The following NUTM2E variants were observed in gnomAD, a reference collection of about 807,000 sequenced individuals.
NUTM2E encodes the protein NUT family member 2E.
In NUTM2E, 3 loss-of-function variants were observed where a neutral mutation model predicts 26.1. The observed-to-expected ratio is 0.12, with a 90% confidence interval of 0.05 to 0.30. NUTM2E has a LOEUF of 0.30. Ranked by LOEUF, NUTM2E falls within the 10% of genes least tolerant of loss-of-function variation. NUTM2E has a pLI of 1.00. For synonymous variants in NUTM2E, 13 were observed against 157.5 expected (o/e 0.08, Z 6.87); for missense variants, 62 against 381.3 (o/e 0.16, Z 6.97).
intron 1 of NUTM2E, among the ~76,000 whole-genome samples, chr10:79,835,147 A>G (rs1841953860): frequency 6.9e-6 from 1 of 145,812 alleles, no homozygotes; most frequent in African/African-American, 2.5e-5. Flanking sequence ...GACTCTATTT[A>G]CTCAGATTAA....
At chr10:79,831,786 A>G (rs1841928313) in intron 1 of NUTM2E, among the ~76,000 whole-genome samples, 1 of 151,164 alleles carries the variant, frequency 6.6e-6, no homozygotes, top group Non-Finnish European at 1.5e-5. Context: ...ATTACTGATA[A>G]TGTGTACACA....
chr10:79,832,007 A>G (rs1426440262), intron 1 of NUTM2E, among the ~76,000 whole-genome samples: 6 of 139,664 alleles, frequency 4.3e-5, no homozygotes, highest in African/African-American at 7.8e-5. Context: ...GTATACTGAC[A>G]TGGCAGAGAC....
Position 79,840,647 on chromosome 10 carries a change from C to T in NUTM2E, c.-1094C>T, listed in dbSNP as rs1452272480. On this transcript the variant is annotated 5_prime_UTR_variant, in exon 4 of 10. Transcript: ENST00000429984. ...CCTGCCCCTGCCCCTGCAGTGTGGC[C>T]GCTGTTACATTTTCCTGCAACTCTG... 6.6e-6 allele frequency among the ~76,000 whole-genome samples: 1 copy of T among 150,766 alleles called. No individual in the cohort carries two copies. Among genetic ancestry groups the T allele is most frequent in the African/African-American group, 2.4e-5 (1 of 40,852 alleles).
chr10:79,830,285 A>G (rs1412885154), intron 1 of NUTM2E, among the ~76,000 whole-genome samples: 1 of 151,812 alleles, frequency 6.6e-6, no homozygotes, highest in Non-Finnish European at 1.5e-5. Flanking sequence ...GTCAAAAGAC[A>G]TGCATCTGGA....
chr10:79,830,824 G>A (rs1027037156), intron 1 of NUTM2E, among the ~76,000 whole-genome samples: 2 of 151,694 alleles, frequency 1.3e-5, no homozygotes, highest in Non-Finnish European at 2.9e-5. Flanking sequence ...GCTGCCATGT[G>A]TAGGCGGGTT....
intron 1 of NUTM2E, among the ~76,000 whole-genome samples, chr10:79,832,846 TAAG>T (rs967922661): frequency 2.0e-5 from 3 of 151,476 alleles, no homozygotes; most frequent in African/African-American, 7.3e-5. Flanking sequence ...ATAAAGGAAA[TAAG>T]AATGAGAAAC....
Position 79,827,178 on chromosome 10 carries a change from G to A in NUTM2E, c.-2907G>A. 1 of 152,734 alleles carries A rather than the reference G, an allele frequency of 6.5e-6. No homozygotes were observed. Among genetic ancestry groups the A allele is most frequent in the East Asian group, 2.0e-4 (1 of 5,128 alleles). 9.5% of individuals were successfully genotyped at this position (152,734 alleles called of 1,614,324 possible). On this transcript the variant is annotated 5_prime_UTR_variant, in exon 1 of 10. Coordinates refer to ENST00000429984, the MANE Select transcript of NUTM2E (RefSeq NM_001355263.2). ...GACGGGCGCGCCCATCCGACTCTTC[G>A]AGGGGCGGCAGGGCCCCATCTGTGT...
chr10:79,837,115 A>T (rs1166667867), intron 1 of NUTM2E, among the ~76,000 whole-genome samples: 1 of 151,990 alleles, frequency 6.6e-6, no homozygotes, highest in Non-Finnish European at 1.5e-5. Context: ...GCAGGCTCAC[A>T]GTGACTTTTT....
intron 1 of NUTM2E, among the ~76,000 whole-genome samples, chr10:79,829,076 A>C (rs1045029966): frequency 6.6e-6 from 1 of 151,898 alleles, no homozygotes; most frequent in African/African-American, 2.4e-5. Context: ...CTCTATTCTC[A>C]AACTAAAACA....
chr10:79,835,896 T>G (rs1841959778), intron 1 of NUTM2E, among the ~76,000 whole-genome samples: 1 of 141,330 alleles, frequency 7.1e-6, no homozygotes, highest in African/African-American at 2.7e-5. Context: ...ATGGATATTT[T>G]GCCACACGAT....
intron 1 of NUTM2E, among the ~76,000 whole-genome samples, chr10:79,833,368 T>G (rs1398546537): frequency 6.6e-6 from 1 of 151,224 alleles, no homozygotes; most frequent in Non-Finnish European, 1.5e-5. Flanking sequence ...AAATGGGATC[T>G]AATTAAACTA....
At chr10:79,830,652 A>G (rs1393402263) in intron 1 of NUTM2E, among the ~76,000 whole-genome samples, 1 of 150,242 alleles carries the variant, frequency 6.7e-6, no homozygotes, top group African/African-American at 2.4e-5. Context: ...AGCTGACAAT[A>G]TATTTGTTTG....
At position 79,838,839 on chromosome 10, in the gene NUTM2E, G is replaced by A. The variant is rs938296765; in HGVS notation, c.-2390G>A. 1.9e-3 allele frequency among the ~76,000 whole-genome samples: 285 copies of A among 151,536 alleles called. 3 individuals are homozygous for A. The highest frequency in any genetic ancestry group is 2.7e-3 in the Non-Finnish European group (185 of 67,790). ...CGTTGGGTCACCGCCCTTTGCTCTCGCGCTGCGCGTCTCCCTGCCATCAAC... is the reference window on the plus strand; with the variant it reads ...CGTTGGGTCACCGCCCTTTGCTCTCACGCTGCGCGTCTCCCTGCCATCAAC... On this transcript the variant is annotated 5_prime_UTR_variant, in exon 3 of 10. Transcript: ENST00000429984.
rs565813540 is a variant in NUTM2E, at chr10:79,830,951, T to C, written c.-2728+3594T>C. On this transcript the variant is annotated intron_variant, in intron 1 of 9. Coordinates refer to ENST00000429984, the MANE Select transcript of NUTM2E (RefSeq NM_001355263.2). ...GTTGTTTTTCACAGTCAGCTTGCCT[T>C]CTTTATTTTAATATTTATATACCAC... 1.9e-3 allele frequency among the ~76,000 whole-genome samples: 296 copies of C among 151,902 alleles called. 3 individuals carry two copies. The highest frequency in any genetic ancestry group is 6.5e-3 in the African/African-American group (270 of 41,492).
At chr10:79,836,810 A>G (rs956834446) in intron 1 of NUTM2E, among the ~76,000 whole-genome samples, 1 of 152,038 alleles carries the variant, frequency 6.6e-6, no homozygotes, top group African/African-American at 2.4e-5. Flanking sequence ...GAAGTGCTAT[A>G]GCAATCATAC....
chr10:79,843,665 G>A (rs1388335462), intron 4 of NUTM2E, among the ~76,000 whole-genome samples: 2 of 65,488 alleles, frequency 3.1e-5, no homozygotes, highest in Admixed American at 1.6e-4. Context: ...GTTTTGGTAT[G>A]TCTGAGCTGG....
chr10:79,835,491 C>T (rs1841957783), intron 1 of NUTM2E, among the ~76,000 whole-genome samples: 1 of 101,720 alleles, frequency 9.8e-6, no homozygotes, highest in South Asian at 4.3e-4. Flanking sequence ...ACATATGCCC[C>T]TCTGACTACC....
rs1402249001 is a variant in NUTM2E, at chr10:79,826,840, G to C, written c.-3245G>C. On this transcript the variant is annotated 5_prime_UTR_variant, in exon 1 of 10. Coordinates refer to ENST00000429984, the MANE Select transcript of NUTM2E (RefSeq NM_001355263.2). ...CACGCTGGGCCGCCCCGGAGCGATC[G>C]CAGAGCCCGTCGGGAGTCGTAGTCC... 1.3e-5 allele frequency: 2 copies of C among 151,616 alleles called. No individual in the cohort carries two copies. The highest frequency in any genetic ancestry group is 2.9e-5 in the Non-Finnish European group (2 of 67,850). 9.4% of individuals were successfully genotyped at this position (151,616 alleles called of 1,614,324 possible). A position where few individuals can be genotyped will look rare whatever the true frequency, so the allele number is the denominator to read the frequency against.
intron 1 of NUTM2E, among the ~76,000 whole-genome samples, chr10:79,829,788 C>T (rs1365380718): frequency 6.6e-6 from 1 of 151,438 alleles, no homozygotes; most frequent in Non-Finnish European, 1.5e-5. Context: ...TAGAATGTAA[C>T]CTCTGAAAAA....
Sources: allele counts gnomAD v4.1 joint callset (sites outside exome capture counted in the v4.1 genomes callset), GRCh38; gene constraint gnomAD v4.1.1; transcripts MANE v1.5; gene names NCBI Gene and HGNC (gene_info 2026-07-23, HGNC 2026-07-21).